The following CHTF18 variants were observed in gnomAD, a reference collection of about 807,000 sequenced individuals.
The protein encoded by CHTF18 is chromosome transmission fidelity protein 18 homolog.
Under a neutral mutation model 113.4 loss-of-function variants are expected in CHTF18, and 151 were observed. The ratio of observed to expected loss-of-function variants is 1.33; its 90% CI spans 1.17 to 1.52. CHTF18 has a LOEUF of 1.52. Among genes scored for constraint, CHTF18 ranks in the 40% most tolerant of loss-of-function variants. The pLI, the probability that CHTF18 is intolerant of heterozygous loss-of-function variation, is 0.00. For synonymous variants in CHTF18, 916 were observed against 598.8 expected, an observed-to-expected ratio of 1.53 and a Z score of -7.74; for missense variants, 1,982 against 1,381.6, an observed-to-expected ratio of 1.43 and a Z score of -6.89.
At position 795,787 on chromosome 16, in the gene CHTF18, G is replaced by C. The variant is rs772926692; in HGVS notation, c.2278G>C (p.Asp760His). 2 of 1,609,572 alleles carry C rather than the reference G, an allele frequency of 1.2e-6. No individual in the cohort carries two copies. Among genetic ancestry groups the C allele is most frequent in the Non-Finnish European group, 1.7e-6 (2 of 1,178,948 alleles). ...GGCCACGCCCCAGGCCCTGCTCCTC[G>C]ATGCCCTCTGCCTGCTCCTGGACAT... is the stretch of plus-strand genomic sequence containing the variant. ...SRATPQALLL[D>H]ALCLLLDILA... The change falls in exon 17 of 22, where the codon GAT (aspartate) becomes CAT (histidine). Residue 760 changes from aspartate to histidine, a missense_variant. By Grantham distance (81) the Asp-to-His change is moderately conservative. Transcript: ENST00000262315.
At chr16:794,612 G>A (rs2042287960) in intron 15 of CHTF18, 1 of 245,352 alleles carries the variant, frequency 4.1e-6, no homozygotes, top group Non-Finnish European at 8.0e-6. Flanking sequence ...CCCCGCCTAA[G>A]CTGTCTGCTG....
intron 18 of CHTF18, 30 bp from the exon 19 acceptor site, chr16:796,687 C>T (rs749889180): frequency 9.6e-6 from 15 of 1,561,002 alleles, no homozygotes; most frequent in Non-Finnish European, 1.3e-5. Context: ...GCCCCGCTGA[C>T]CTGCCCTGGT....
intron 6 of CHTF18, 38 bp from the exon 7 acceptor site, chr16:790,487 T>C: frequency 1.2e-6 from 2 of 1,606,480 alleles, no homozygotes; most frequent in Non-Finnish European, 1.7e-6. Context: ...GCATGGTCCC[T>C]GCGAGTTGTT....
At chr16:796,673 C>G in intron 18 of CHTF18, 44 bp from the exon 19 acceptor site, 3 of 1,535,254 alleles carry the variant, frequency 2.0e-6, no homozygotes, top group South Asian at 1.2e-5. Context: ...TGGCCCTGAG[C>G]CTGGCCCCGC....
In CHTF18 at chr16:798,001, G is replaced by A. The variant is rs1309387077; in HGVS notation, c.*26G>A. The A allele has an allele frequency of 1.0e-5, 16 of 1,598,068 alleles. No homozygotes were observed. Among genetic ancestry groups the A allele is most frequent in the East Asian group, 2.2e-5 (1 of 44,656 alleles). ...TTCTCTGAGCCGCGGACATGCCCTC[G>A]CATTGCTTCCCGCAGAGTGCAGAGA... On this transcript the variant is annotated 3_prime_UTR_variant, in exon 22 of 22. Coordinates refer to ENST00000262315, the MANE Select transcript of CHTF18 (RefSeq NM_022092.3).
intron 7 of CHTF18, 177 bp downstream of exon 7, chr16:790,843 C>A: frequency 2.1e-6 from 3 of 1,430,262 alleles, no homozygotes; most frequent in Non-Finnish European, 2.7e-6. Context: ...GCTACTGGTC[C>A]CCTGTGACCT....
intron 14 of CHTF18, 33 bp from the exon 15 acceptor site, chr16:794,021 C>T (rs372258136): frequency 3.3e-4 from 533 of 1,594,926 alleles, no homozygotes; most frequent in Non-Finnish European, 4.1e-4. Context: ...GCTTTTAACA[C>T]GGGTCCATCT....
chr16:797,588 G>A (rs1003948879), intron 20 of CHTF18, 106 bp from the exon 21 acceptor site: 1 of 1,230,248 alleles, frequency 8.1e-7, no homozygotes, highest in African/African-American at 1.5e-5. Flanking sequence ...TGTCTCAGAG[G>A]TGTTCTGGTC....
intron 4 of CHTF18, 153 bp from the exon 5 acceptor site, chr16:790,024 C>G (rs766861125): frequency 2.6e-5 from 40 of 1,535,602 alleles, no homozygotes; most frequent in Non-Finnish European, 3.2e-5. Flanking sequence ...ATCTGGATGG[C>G]TTCATTCCTT....
In CHTF18 at chr16:794,046, A is replaced by G. The variant is rs750263854; in HGVS notation, c.1803-8A>G. On this transcript the variant is annotated splice_polypyrimidine_tract_variant and splice_region_variant and intron_variant, in intron 14 of 21. Transcript: ENST00000262315. ...CGGGTCCATCTAGCTTCAGCACCCCACCTGCAGGCGCCGTGTGGGCCAGGA... is the reference window on the plus strand; with the variant it reads ...CGGGTCCATCTAGCTTCAGCACCCCGCCTGCAGGCGCCGTGTGGGCCAGGA... The G allele has an allele frequency of 3.4e-5, 55 of 1,606,928 alleles. 1 individual carries two copies. In the South Asian group the frequency reaches 5.8e-4, roughly 17 times the overall value.
At chr16:792,400 C>A in intron 10 of CHTF18, 39 bp from the exon 11 acceptor site, 1 of 1,561,584 alleles carries the variant, frequency 6.4e-7, no homozygotes, top group Non-Finnish European at 8.7e-7. Flanking sequence ...AGGCGGGCAG[C>A]AGGGCCTGGA....
In CHTF18 at chr16:798,045, T is replaced by C. The variant is rs1263464991; in HGVS notation, c.*70T>C. 6.5e-7 allele frequency: 1 copy of C among 1,542,446 alleles called. No individual in the cohort carries two copies. The highest frequency in any genetic ancestry group is 1.4e-5 in the African/African-American group (1 of 73,696). On this transcript the variant is annotated 3_prime_UTR_variant, in exon 22 of 22. Transcript: ENST00000262315. ...GCAGAGACAGGAAGCTGGAGATGTC[T>C]TTATAAAGTCACACCTTTACAGACT...
chr16:796,721 G>GT lies in CHTF18; in HGVS notation c.2462dup (p.Glu822GlyfsTer8), dbSNP rs1462716036. On this transcript the variant is annotated frameshift_variant, in exon 19 of 22. Coordinates refer to ENST00000262315, the MANE Select transcript of CHTF18 (RefSeq NM_022092.3). LOFTEE classifies it high-confidence loss of function. Reference sequence around the variant, plus strand: ...GTGTCCCCCTGTGCTGAGCAGGAACGTGGAGGAACTCTGCCGCTTCCCTGA... The same window carrying GT: ...GTGTCCCCCTGTGCTGAGCAGGAACGTTGGAGGAACTCTGCCGCTTCCCTGA... 11 of 1,599,808 alleles carry GT rather than the reference G, an allele frequency of 6.9e-6. No individual in the cohort carries two copies. Among genetic ancestry groups the GT allele is most frequent in the Non-Finnish European group, 9.3e-6 (11 of 1,178,782 alleles).
In CHTF18 at chr16:791,282, C is replaced by G; in HGVS notation, c.1016C>G (p.Thr339Arg). ...CCGGCCCGGGTCAGCAAGGAGGCCA[C>G]AGCCCCAGGCAAGTGGAAGAGCCAC... ...VEPARVSKEA[T>R]APGKWKSHEQ... Residue 339 changes from threonine (T) to arginine (R), a missense_variant, in exon 8 of 22, where the codon ACA becomes AGA. Transcript: ENST00000262315. 8.1e-6 allele frequency: 13 copies of G among 1,610,802 alleles called. No homozygotes were observed. The highest frequency in any genetic ancestry group is 1.1e-5 in the Non-Finnish European group (13 of 1,179,506).
intron 3 of CHTF18, 30 bp downstream of exon 3, chr16:789,390 C>G (rs749185439): frequency 6.4e-7 from 1 of 1,555,456 alleles, no homozygotes; most frequent in Admixed American, 1.9e-5. Context: ...GCGTCCCATC[C>G]CATCTGTCCA....
chr16:791,687 C>T (rs371291938), intron 8 of CHTF18, 164 bp from the exon 9 acceptor site: 23 of 1,427,214 alleles, frequency 1.6e-5, no homozygotes, highest in South Asian at 3.0e-5. Context: ...TTTTCCGTTG[C>T]CATCTTGGTG....
intron 20 of CHTF18, among the ~76,000 whole-genome samples, chr16:797,429 AC>A (rs1459960978): frequency 3.3e-5 from 5 of 152,174 alleles, no homozygotes; most frequent in African/African-American, 1.2e-4. Flanking sequence ...CCAGCTCCTT[AC>A]CCTCAGCATG....
chr16:796,884 G>A (rs562869799), intron 19 of CHTF18, 23 bp downstream of exon 19: 1 of 1,574,782 alleles, frequency 6.4e-7, no homozygotes, highest in Non-Finnish European at 8.6e-7. Context: ...AGGCTCTGGA[G>A]CAGGTTGCAG....
Position 788,662 on chromosome 16 carries a change from G to A in CHTF18, c.-23G>A, listed in dbSNP as rs2042062236. 2.7e-6 allele frequency: 4 copies of A among 1,507,860 alleles called. No homozygotes were observed. The highest frequency in any genetic ancestry group is 2.9e-5 in the African/African-American group (2 of 69,218). The allele number at this position is 1,507,860 out of a possible 1,614,324, so 93.4% of individuals were successfully genotyped here. A position where few individuals can be genotyped will look rare whatever the true frequency, so the allele number is the denominator to read the frequency against. ...GGCGGCGGCGCGGGAGGTTCGGAGC[G>A]GGAGCTCGGGCTCGCGGACGGTATG... On this transcript the variant is annotated 5_prime_UTR_variant, in exon 1 of 22. Transcript: ENST00000262315.
Sources: allele counts gnomAD v4.1 joint callset (sites outside exome capture counted in the v4.1 genomes callset), GRCh38; gene constraint gnomAD v4.1.1; transcripts MANE v1.5; gene names NCBI Gene and HGNC (gene_info 2026-07-23, HGNC 2026-07-21).